DOCK2: variants seen among roughly 807,000 people sequenced by gnomAD.
The protein encoded by DOCK2 is dedicator of cytokinesis protein 2.
A neutral mutation model predicts 248.9 loss-of-function variants in DOCK2; 87 were observed. The observed-to-expected ratio is 0.35, with a 90% CI of 0.29 to 0.42. The LOEUF is 0.42. Ranked by LOEUF, DOCK2 falls within the 10% of genes least tolerant of loss-of-function variation. The probability of loss-of-function intolerance (pLI) is 1.00; values close to 1 mark genes in which losing one functional copy is unlikely to be tolerated. For missense variants in DOCK2, 1,747 were observed against 2,300.2 expected, an observed-to-expected ratio of 0.76 and a Z score of 4.92; for synonymous variants, 805 against 821.6, an observed-to-expected ratio of 0.98 and a Z score of 0.35.
Position 169,698,320 on chromosome 5 carries a change from C to T in DOCK2, c.980-54C>T, listed in dbSNP as rs2113451703. 10 of 1,568,998 alleles carry T rather than the reference C, an allele frequency of 6.4e-6. No homozygotes were observed. In the South Asian group the frequency reaches 1.1e-4, roughly 18 times the overall value. Reference sequence around the variant, plus strand: ...CCCATAAGCTCATCCCACTGTCATCCCTTATGGGAACAGGAAGAAGTTAAA... The same window carrying T: ...CCCATAAGCTCATCCCACTGTCATCTCTTATGGGAACAGGAAGAAGTTAAA... On this transcript the variant is annotated intron_variant, in intron 10 of 51. Transcript: ENST00000520908.
At chr5:169,872,786 G>C (rs975577752) in intron 27 of DOCK2, among the ~76,000 whole-genome samples, 2 of 152,218 alleles carry the variant, frequency 1.3e-5, no homozygotes. Context: ...GTAGGACCTA[G>C]TTTTGAGCCC....
chr5:169,979,644 T>C (rs1777868781), intron 27 of DOCK2, among the ~76,000 whole-genome samples: 1 of 152,180 alleles, frequency 6.6e-6, no homozygotes, highest in South Asian at 2.1e-4. Context: ...ATGCTTCTAG[T>C]CAGAAGTAAA....
At chr5:169,890,896 C>T (rs996371100) in intron 27 of DOCK2, among the ~76,000 whole-genome samples, 4 of 152,192 alleles carry the variant, frequency 2.6e-5, no homozygotes, top group Non-Finnish European at 5.9e-5. Flanking sequence ...CTGTCCTCCA[C>T]ACAGCAGCCA....
At chr5:169,749,738 A>T (rs373412794) in intron 23 of DOCK2, among the ~76,000 whole-genome samples, 2 of 152,266 alleles carry the variant, frequency 1.3e-5, no homozygotes, top group African/African-American at 4.8e-5. Context: ...CTGGGGATGG[A>T]TGTCTTCCTA....
At chr5:169,840,975 T>C in intron 27 of DOCK2, 123 bp downstream of exon 27, 1 of 1,091,492 alleles carries the variant, frequency 9.2e-7, no homozygotes, top group Non-Finnish European at 1.3e-6. Flanking sequence ...TGGAGTAGGG[T>C]GACCAGATTT....
intron 27 of DOCK2, among the ~76,000 whole-genome samples, chr5:169,923,447 T>C (rs1167719853): frequency 1.3e-5 from 2 of 152,098 alleles, no homozygotes; most frequent in Non-Finnish European, 2.9e-5. Flanking sequence ...GCAACCTATT[T>C]GTTAGCAGCA....
intron 22 of DOCK2, among the ~76,000 whole-genome samples, chr5:169,745,851 T>G (rs1763580116): frequency 6.6e-6 from 1 of 152,156 alleles, no homozygotes; most frequent in African/African-American, 2.4e-5. Flanking sequence ...GGCAGTTATC[T>G]CTGGTGGCAG....
intron 44 of DOCK2, among the ~76,000 whole-genome samples, chr5:170,061,896 C>G (rs1757339781): frequency 6.6e-6 from 1 of 152,168 alleles, no homozygotes; most frequent in Non-Finnish European, 1.5e-5. Context: ...CCTCAGAGCC[C>G]CCCCAGAGTT....
intron 25 of DOCK2, among the ~76,000 whole-genome samples, chr5:169,768,658 G>T (rs941411526): frequency 1.3e-5 from 2 of 152,154 alleles, no homozygotes; most frequent in Non-Finnish European, 1.5e-5. Flanking sequence ...AGCAAGCCGG[G>T]GTGTTAGCAG....
At chr5:169,778,063 G>T (rs1561685718) in intron 25 of DOCK2, among the ~76,000 whole-genome samples, 1 of 152,304 alleles carries the variant, frequency 6.6e-6, no homozygotes, top group Non-Finnish European at 1.5e-5. Flanking sequence ...CAGGGTTTGA[G>T]TTACTCTGTG....
intron 26 of DOCK2, among the ~76,000 whole-genome samples, chr5:169,836,555 A>G (rs1028699559): frequency 6.6e-6 from 1 of 152,202 alleles, no homozygotes; most frequent in Non-Finnish European, 1.5e-5. Flanking sequence ...CAAATGTTCT[A>G]TTAAAAATGT....
rs1030614526 is a variant in DOCK2, at chr5:170,077,847, T to C, written c.4994+10T>C. ...AGCCTACCTCAGAGAGGTCAGTCCC[T>C]GCACCCCAAGGAGCCCCCCACACCC... is the stretch of plus-strand genomic sequence containing the variant. On this transcript the variant is annotated intron_variant, in intron 48 of 51. Coordinates refer to ENST00000520908, the MANE Select transcript of DOCK2 (RefSeq NM_004946.3). 6.2e-7 allele frequency: 1 copy of C among 1,611,522 alleles called. No homozygotes were observed. The highest frequency in any genetic ancestry group is 1.3e-5 in the African/African-American group (1 of 74,836).
chr5:169,669,037 C>T (rs13357884), intron 2 of DOCK2, among the ~76,000 whole-genome samples: 7,229 of 152,128 alleles, frequency 0.048, 576 homozygotes, highest in African/African-American at 0.16. Context: ...GCCAGCACTA[C>T]TGGGGCTCCT....
At chr5:169,732,214 C>T (rs898455351) in intron 22 of DOCK2, among the ~76,000 whole-genome samples, 1 of 152,310 alleles carries the variant, frequency 6.6e-6, no homozygotes, top group South Asian at 2.1e-4. Context: ...ATAGCATGAG[C>T]CACAGCATTT....
At chr5:169,691,975 C>T (rs960454515) in intron 9 of DOCK2, among the ~76,000 whole-genome samples, 4 of 152,032 alleles carry the variant, frequency 2.6e-5, no homozygotes, top group Non-Finnish European at 4.4e-5. Context: ...CCTGCTTCAG[C>T]CTCCCAAGTA....
intron 26 of DOCK2, among the ~76,000 whole-genome samples, chr5:169,836,549 T>G (rs577501848): frequency 1.3e-5 from 2 of 152,244 alleles, no homozygotes; most frequent in African/African-American, 4.8e-5. Flanking sequence ...TTTTTCCAAA[T>G]GTTCTATTAA....
chr5:169,959,578 T>G (rs575769421), intron 27 of DOCK2, among the ~76,000 whole-genome samples: 1 of 152,300 alleles, frequency 6.6e-6, no homozygotes, highest in East Asian at 1.9e-4. Context: ...TTTGGAATCT[T>G]GCAAGCAGAG....
intron 26 of DOCK2, among the ~76,000 whole-genome samples, chr5:169,818,641 C>T (rs551953796): frequency 6.6e-6 from 1 of 152,210 alleles, no homozygotes; most frequent in African/African-American, 2.4e-5. Flanking sequence ...TCTTTTTAGC[C>T]TTCTCTGGTG....
At chr5:169,755,494 G>A (rs1326354321) in intron 23 of DOCK2, among the ~76,000 whole-genome samples, 1 of 152,150 alleles carries the variant, frequency 6.6e-6, no homozygotes, top group African/African-American at 2.4e-5. Context: ...TGTAATCCCA[G>A]CACTTTGGGA....
Sources: allele counts gnomAD v4.1 joint callset (sites outside exome capture counted in the v4.1 genomes callset), GRCh38; gene constraint gnomAD v4.1.1; transcripts MANE v1.5; gene names NCBI Gene and HGNC (gene_info 2026-07-23, HGNC 2026-07-21).